SGCZ: variants seen among roughly 807,000 people sequenced by gnomAD.
SGCZ encodes the protein zeta-sarcoglycan.
SGCZ carries 40 observed loss-of-function variants against 41.3 expected under a neutral mutation model. The observed-to-expected ratio is 0.97, with a 90% CI of 0.75 to 1.26. The LOEUF is 1.26. Ranked by LOEUF, SGCZ falls within the 50% of genes most tolerant of loss-of-function variation. The pLI is 0.00. For missense variants in SGCZ, 552 were observed against 369.8 expected (o/e 1.49, Z -4.04); for synonymous variants, 206 against 137.5 (o/e 1.50, Z -3.49).
At chr8:14,764,247 C>T (rs957999318) in intron 1 of SGCZ, among the ~76,000 whole-genome samples, 6 of 152,142 alleles carry the variant, frequency 3.9e-5, no homozygotes, top group African/African-American at 9.7e-5. Context: ...CTTTTAAAAT[C>T]ACCCTTTGGA....
At chr8:14,611,935 T>G (rs545079289) in intron 1 of SGCZ, among the ~76,000 whole-genome samples, 8 of 152,196 alleles carry the variant, frequency 5.3e-5, no homozygotes, top group Non-Finnish European at 1.2e-4. Flanking sequence ...CAGGTAAATA[T>G]GATATGTAAA....
intron 1 of SGCZ, among the ~76,000 whole-genome samples, chr8:14,745,689 A>G (rs529212227): frequency 2.0e-5 from 3 of 152,128 alleles, no homozygotes; most frequent in African/African-American, 7.2e-5. Flanking sequence ...ATATACATAC[A>G]TGCCATATAT....
rs189422988 is a variant in SGCZ at position 14,414,022 on chromosome 8, T to C, written c.235-89818A>G. ...TCTCAAGATACCCCATGAAAATAAA[T>C]AACATTATTTGAATTTATACCTTTC... is the stretch of plus-strand genomic sequence containing the variant. On this transcript the variant is annotated intron_variant, in intron 2 of 7. Transcript: ENST00000382080. 1.4e-4 allele frequency among the ~76,000 whole-genome samples: 21 copies of C among 152,096 alleles called. No homozygotes were observed. The East Asian group carries it at 3.7e-3, about 27-fold the overall frequency.
At chr8:14,313,883 A>T (rs543115551) in intron 3 of SGCZ, among the ~76,000 whole-genome samples, 2 of 151,244 alleles carry the variant, frequency 1.3e-5, no homozygotes, top group South Asian at 4.2e-4. Context: ...TTGGGGAAAG[A>T]CAAAAGTATA....
intron 1 of SGCZ, among the ~76,000 whole-genome samples, chr8:15,166,232 CTTTTTTTTTTCTTTT>C (rs1288920300): frequency 2.8e-5 from 4 of 145,260 alleles, no homozygotes; most frequent in Non-Finnish European, 4.5e-5. Context: ...ATGCTCAATC[CTTTTTTTTTTCTTTT>C]TTTTTTTTTT....
intron 1 of SGCZ, among the ~76,000 whole-genome samples, chr8:14,797,295 C>A (rs1187334247): frequency 1.3e-5 from 2 of 152,048 alleles, no homozygotes; most frequent in African/African-American, 2.4e-5. Context: ...ATGACTTGGA[C>A]CAAAATGCTG....
At chr8:14,978,207 C>T (rs1298333058) in intron 1 of SGCZ, among the ~76,000 whole-genome samples, 1 of 146,632 alleles carries the variant, frequency 6.8e-6, no homozygotes, top group African/African-American at 2.5e-5. Flanking sequence ...GTGGCTCACA[C>T]CTGTAATCCC....
intron 2 of SGCZ, among the ~76,000 whole-genome samples, chr8:14,412,750 C>G (rs1316350035): frequency 6.6e-6 from 1 of 151,956 alleles, no homozygotes; most frequent in Non-Finnish European, 1.5e-5. Context: ...AAAAAGCTCA[C>G]TAATAATGCG....
intron 1 of SGCZ, among the ~76,000 whole-genome samples, chr8:14,802,955 C>G (rs1211977726): frequency 6.6e-6 from 1 of 152,186 alleles, no homozygotes; most frequent in Non-Finnish European, 1.5e-5. Flanking sequence ...CCTCCAGCCC[C>G]ATTCTTGTTT....
chr8:14,756,639 A>T (rs1301485063), intron 1 of SGCZ, among the ~76,000 whole-genome samples: 1 of 152,182 alleles, frequency 6.6e-6, no homozygotes, highest in African/African-American at 2.4e-5. Flanking sequence ...CTTCTAATTC[A>T]TTTGTTTTTT....
At chr8:14,633,147 G>A (rs1257629334) in intron 1 of SGCZ, among the ~76,000 whole-genome samples, 4 of 151,928 alleles carry the variant, frequency 2.6e-5, no homozygotes, top group Non-Finnish European at 4.4e-5. Context: ...AAATGCATTA[G>A]CATGTCATGA....
At chr8:15,034,328 G>T (rs1170399905) in intron 1 of SGCZ, among the ~76,000 whole-genome samples, 1 of 151,968 alleles carries the variant, frequency 6.6e-6, no homozygotes, top group Non-Finnish European at 1.5e-5. Flanking sequence ...AATGAAAACA[G>T]CAAGAGAAAG....
chr8:14,419,985 C>G (rs1039697635), intron 2 of SGCZ, among the ~76,000 whole-genome samples: 5 of 152,056 alleles, frequency 3.3e-5, no homozygotes, highest in African/African-American at 1.2e-4. Context: ...GGCTGAGCAC[C>G]AAATGTGATT....
intron 1 of SGCZ, among the ~76,000 whole-genome samples, chr8:14,578,652 A>G (rs1314396256): frequency 1.3e-5 from 2 of 152,212 alleles, no homozygotes; most frequent in Non-Finnish European, 2.9e-5. Context: ...TCTGAGGTCA[A>G]TTTCAGAAAA....
chr8:14,203,096 T>G (rs1222567424), intron 4 of SGCZ, among the ~76,000 whole-genome samples: 4 of 152,214 alleles, frequency 2.6e-5, no homozygotes, highest in Non-Finnish European at 5.9e-5. Context: ...ACCATGATTG[T>G]GAGGCCTCCC....
At chr8:15,000,450 T>C (rs1802375639) in intron 1 of SGCZ, among the ~76,000 whole-genome samples, 1 of 152,184 alleles carries the variant, frequency 6.6e-6, no homozygotes, top group Non-Finnish European at 1.5e-5. Flanking sequence ...TCCTCTTTAA[T>C]GAAAATTATT....
intron 5 of SGCZ, among the ~76,000 whole-genome samples, chr8:14,118,123 G>C (rs910610198): frequency 6.6e-6 from 1 of 151,958 alleles, no homozygotes; most frequent in Non-Finnish European, 1.5e-5. Flanking sequence ...TAGGTCAAAT[G>C]GTATTTCTAG....
chr8:14,404,488 G>A (rs1376859411), intron 2 of SGCZ, among the ~76,000 whole-genome samples: 1 of 152,268 alleles, frequency 6.6e-6, no homozygotes, highest in South Asian at 2.1e-4. Context: ...AATACTAAAT[G>A]ATTAAAATGA....
chr8:14,297,256 G>C (rs1193080614), intron 3 of SGCZ, among the ~76,000 whole-genome samples: 2 of 151,814 alleles, frequency 1.3e-5, no homozygotes, highest in South Asian at 4.2e-4. Flanking sequence ...TATAATTTGA[G>C]GATATAGATA....
Sources: allele counts gnomAD v4.1 joint callset (sites outside exome capture counted in the v4.1 genomes callset), GRCh38; gene constraint gnomAD v4.1.1; transcripts MANE v1.5; gene names NCBI Gene and HGNC (gene_info 2026-07-23, HGNC 2026-07-21).